TMEM163: variants seen among roughly 807,000 people sequenced by gnomAD.
TMEM163 encodes the protein transmembrane protein 163.
A neutral mutation model predicts 29.3 loss-of-function variants in TMEM163; 17 were observed. The ratio of observed to expected loss-of-function variants is 0.58; its 90% CI spans 0.40 to 0.87. TMEM163 has a LOEUF of 0.87. Among genes scored for constraint, TMEM163 ranks in the 40% least tolerant of loss-of-function variants. The pLI is 0.00. For synonymous variants in TMEM163, 157 were observed against 160.6 expected (o/e 0.98, Z 0.17); for missense variants, 303 against 381.5 (o/e 0.79, Z 1.71).
chr2:134,638,976 T>C (rs375271733), intron 2 of TMEM163, among the ~76,000 whole-genome samples: 1 of 152,118 alleles, frequency 6.6e-6, no homozygotes, highest in Admixed American at 6.5e-5. Context: ...ACAGAGGTGA[T>C]GGCTGAAGCC....
intron 2 of TMEM163, among the ~76,000 whole-genome samples, chr2:134,573,243 T>C (rs958338943): frequency 6.6e-6 from 1 of 152,216 alleles, no homozygotes; most frequent in Non-Finnish European, 1.5e-5. Context: ...TTGTGCATCA[T>C]CCAGCAACTA....
At chr2:134,623,416 A>G (rs890271988) in intron 2 of TMEM163, among the ~76,000 whole-genome samples, 1 of 152,208 alleles carries the variant, frequency 6.6e-6, no homozygotes, top group Non-Finnish European at 1.5e-5. Flanking sequence ...ATGCTAGAAT[A>G]TTAGACACGG....
At chr2:134,710,854 C>T (rs927391208) in intron 2 of TMEM163, among the ~76,000 whole-genome samples, 3 of 152,078 alleles carry the variant, frequency 2.0e-5, no homozygotes, top group South Asian at 4.2e-4. Context: ...AAAACTTCCC[C>T]GCCACACCAA....
intron 5 of TMEM163, among the ~76,000 whole-genome samples, chr2:134,489,598 T>C (rs1335354439): frequency 6.6e-6 from 1 of 150,514 alleles, no homozygotes; most frequent in Non-Finnish European, 1.5e-5. Flanking sequence ...AAAGTTGCAG[T>C]GTGTTATGTG....
chr2:134,631,183 G>A (rs1369129180), intron 2 of TMEM163, among the ~76,000 whole-genome samples: 1 of 152,198 alleles, frequency 6.6e-6, no homozygotes, highest in Non-Finnish European at 1.5e-5. Context: ...GGGGTGGCTA[G>A]AATATGTCAA....
chr2:134,518,778 A>T (rs1351891009), intron 4 of TMEM163, among the ~76,000 whole-genome samples: 1 of 151,966 alleles, frequency 6.6e-6, no homozygotes, highest in Non-Finnish European at 1.5e-5. Context: ...CTCGCCCCCT[A>T]CTTCACTCCC....
At chr2:134,632,212 G>A (rs1682983564) in intron 2 of TMEM163, among the ~76,000 whole-genome samples, 1 of 152,132 alleles carries the variant, frequency 6.6e-6, no homozygotes, top group Non-Finnish European at 1.5e-5. Context: ...CAATTGCCTG[G>A]GACTCACGGA....
intron 5 of TMEM163, among the ~76,000 whole-genome samples, chr2:134,480,274 A>C (rs1213482773): frequency 6.6e-6 from 1 of 151,918 alleles, no homozygotes; most frequent in East Asian, 1.9e-4. Flanking sequence ...CTCCTACCCC[A>C]GGGCCTTTGC....
intron 2 of TMEM163, among the ~76,000 whole-genome samples, chr2:134,658,092 T>A (rs2104856210): frequency 6.6e-6 from 1 of 152,364 alleles, no homozygotes; most frequent in Non-Finnish European, 1.5e-5. Flanking sequence ...ATTTTATTGT[T>A]ACTTTTATTG....
chr2:134,695,798 T>G (rs951381037), intron 2 of TMEM163, among the ~76,000 whole-genome samples: 1 of 152,186 alleles, frequency 6.6e-6, no homozygotes, highest in Non-Finnish European at 1.5e-5. Flanking sequence ...TGGTAGCTCA[T>G]GCCTGTAATT....
chr2:134,691,962 T>A (rs750849336), intron 2 of TMEM163, among the ~76,000 whole-genome samples: 1 of 152,304 alleles, frequency 6.6e-6, no homozygotes, highest in Non-Finnish European at 1.5e-5. Flanking sequence ...TCTTTGCAGA[T>A]GTGATTAATT....
At chr2:134,520,475 CATG>C (rs1680169061) in intron 4 of TMEM163, among the ~76,000 whole-genome samples, 1 of 152,190 alleles carries the variant, frequency 6.6e-6, no homozygotes, top group African/African-American at 2.4e-5. Context: ...TTCTCTATGC[CATG>C]ATTTCATTGT....
chr2:134,648,237 T>C (rs138754980), intron 2 of TMEM163, among the ~76,000 whole-genome samples: 76 of 152,204 alleles, frequency 5.0e-4, no homozygotes, highest in African/African-American at 1.8e-3. Context: ...ACCATCAAGC[T>C]ATCCCTCTGA....
At chr2:134,498,895 AGG>A (rs1679639972) in intron 5 of TMEM163, among the ~76,000 whole-genome samples, 1 of 152,230 alleles carries the variant, frequency 6.6e-6, no homozygotes, top group Non-Finnish European at 1.5e-5. Context: ...CCCATGTGCC[AGG>A]GCCAAGATAG....
intron 2 of TMEM163, among the ~76,000 whole-genome samples, chr2:134,693,079 C>G (rs1481742814): frequency 6.6e-6 from 1 of 152,140 alleles, no homozygotes; most frequent in Non-Finnish European, 1.5e-5. Flanking sequence ...TCTGGACCCC[C>G]CTGTGCCTCA....
chr2:134,505,720 T>C (rs557549207), intron 4 of TMEM163, among the ~76,000 whole-genome samples: 3 of 152,238 alleles, frequency 2.0e-5, no homozygotes, highest in Non-Finnish European at 4.4e-5. Flanking sequence ...AATGCCGGAA[T>C]TGCTTCTCAC....
intron 2 of TMEM163, among the ~76,000 whole-genome samples, chr2:134,660,834 G>C (rs906047055): frequency 1.3e-5 from 2 of 152,126 alleles, no homozygotes; most frequent in African/African-American, 4.8e-5. Context: ...GGTTGGAGGA[G>C]ACAGAAGTAG....
intron 1 of TMEM163, among the ~76,000 whole-genome samples, chr2:134,718,368 G>A (rs1361436531): frequency 6.6e-6 from 1 of 152,240 alleles, no homozygotes; most frequent in Non-Finnish European, 1.5e-5. Flanking sequence ...GTCCCTCCGA[G>A]CTGAGTAGGG....
At chr2:134,625,395 C>G (rs145539986) in intron 2 of TMEM163, among the ~76,000 whole-genome samples, 2 of 152,334 alleles carry the variant, frequency 1.3e-5, no homozygotes, top group African/African-American at 2.4e-5. Context: ...CTGCCTAGAA[C>G]TACATGGAGC....
Sources: allele counts gnomAD v4.1 joint callset (sites outside exome capture counted in the v4.1 genomes callset), GRCh38; gene constraint gnomAD v4.1.1; transcripts MANE v1.5; gene names NCBI Gene and HGNC (gene_info 2026-07-23, HGNC 2026-07-21).